CFH: variants seen among roughly 807,000 people sequenced by gnomAD.
CFH encodes the protein complement factor H, also known as H factor 1 (complement).
In CFH, 53 loss-of-function variants were observed where a neutral mutation model predicts 147.3. That is an observed-to-expected ratio of 0.36 (90% CI 0.29 to 0.45). The LOEUF is 0.45. Ranked by LOEUF, CFH falls within the 20% of genes least tolerant of loss-of-function variation. The probability of loss-of-function intolerance (pLI) is 1.00; values close to 1 mark genes in which losing one functional copy is unlikely to be tolerated. For missense variants in CFH, 1,380 were observed against 1,498.0 expected, an observed-to-expected ratio of 0.92 and a Z score of 1.30; for synonymous variants, 536 against 489.4, an observed-to-expected ratio of 1.10 and a Z score of -1.26.
chr1:196,719,262 T>A (rs771668018), intron 11 of CFH, among the ~76,000 whole-genome samples: 9 of 151,976 alleles, frequency 5.9e-5, no homozygotes, highest in Non-Finnish European at 1.3e-4. Context: ...ATAATCAAGA[T>A]CTTAACTTTC....
At chr1:196,727,618 G>A (rs1268389980) in intron 14 of CFH, among the ~76,000 whole-genome samples, 1 of 151,876 alleles carries the variant, frequency 6.6e-6, no homozygotes, top group Non-Finnish European at 1.5e-5. Context: ...TCCTTTTTAG[G>A]CACTGAGAAG....
intron 19 of CFH, 24 bp from the exon 20 acceptor site, chr1:196,743,428 A>G (rs565933022): frequency 6.2e-7 from 1 of 1,613,896 alleles, no homozygotes; most frequent in East Asian, 2.2e-5. Context: ...ACTAGGTGGA[A>G]CCACTTCTTT....
chr1:196,688,067 TTA>T (rs1420493934), intron 7 of CFH, among the ~76,000 whole-genome samples: 5 of 151,652 alleles, frequency 3.3e-5, no homozygotes, highest in African/African-American at 9.7e-5. Flanking sequence ...AAAAGAATAT[TTA>T]TATGTGTGTG....
At chr1:196,743,856 T>A (rs1259070169) in intron 20 of CFH, among the ~76,000 whole-genome samples, 3 of 152,124 alleles carry the variant, frequency 2.0e-5, no homozygotes, top group Non-Finnish European at 4.4e-5. Flanking sequence ...AAAACAATAC[T>A]TTTTAAGCAT....
intron 9 of CFH, among the ~76,000 whole-genome samples, chr1:196,701,730 A>G (rs1668454871): frequency 6.6e-6 from 1 of 152,144 alleles, no homozygotes; most frequent in Non-Finnish European, 1.5e-5. Flanking sequence ...GACAAACCCT[A>G]GCAGCTTACT....
rs1423241220 is a variant in CFH at position 196,690,182 on chromosome 1, A to G, written c.1279A>G (p.Thr427Ala). The G allele has an allele frequency of 6.2e-7, 1 of 1,613,484 alleles. No homozygotes were observed. The highest frequency in any genetic ancestry group is 8.5e-7 in the Non-Finnish European group (1 of 1,179,662). Residue 427 changes from threonine to alanine, a missense_variant, in exon 9 of 22, where the codon ACC (threonine) becomes GCC (alanine). This residue lies in a region of CFH where 830 missense variants were observed against 821.4 expected (regional missense o/e 1.01). Coordinates refer to ENST00000367429, the MANE Select transcript of CFH (RefSeq NM_000186.4). Reference protein sequence around the residue: ...HPGYALPKAQTTVTCMENGWS... With the variant: ...HPGYALPKAQATVTCMENGWS... ...TGGCTACGCTCTTCCAAAAGCGCAG[A>G]CCACAGTTACATGTATGGAGAATGG...
intron 9 of CFH, among the ~76,000 whole-genome samples, chr1:196,713,388 C>A (rs203679): frequency 0.66 from 99,636 of 151,986 alleles, 33,418 homozygotes; most frequent in East Asian, 0.95. Flanking sequence ...AGAAGATCTA[C>A]AATAGGCAAG....
intron 1 of CFH, among the ~76,000 whole-genome samples, chr1:196,660,800 C>T (rs1471469955): frequency 1.3e-5 from 2 of 152,014 alleles, no homozygotes; most frequent in African/African-American, 2.4e-5. Context: ...AGAGATGTAT[C>T]CTTGTTTTCT....
intron 6 of CFH, among the ~76,000 whole-genome samples, chr1:196,683,781 T>A (rs539744470): frequency 1.3e-5 from 2 of 151,816 alleles, no homozygotes; most frequent in African/African-American, 4.8e-5. Flanking sequence ...TATAGGAAAC[T>A]CACTACTGCT....
Position 196,672,999 on chromosome 1 carries a change from G to C in CFH, c.80G>C (p.Arg27Thr), listed in dbSNP as rs1166473674. 6.2e-7 allele frequency: 1 copy of C among 1,613,836 alleles called. No individual in the cohort carries two copies. Among genetic ancestry groups the C allele is most frequent in the East Asian group, 2.2e-5 (1 of 44,858 alleles). The change falls in exon 2 of 22, where the codon AGA (arginine) becomes ACA (threonine). Residue 27 changes from arginine to threonine, a missense_variant. Physicochemically the swap from Arg to Thr is moderately conservative, Grantham distance 71 (BLOSUM62 -1). Coordinates refer to ENST00000367429, the MANE Select transcript of CFH (RefSeq NM_000186.4). ...GTAGATTGCAATGAACTTCCTCCAA[G>C]AAGAAATACAGAAATTCTGACAGGT... ...VAEDCNELPP[R>T]RNTEILTGSW...
intron 9 of CFH, among the ~76,000 whole-genome samples, chr1:196,691,604 CT>C (rs1668025715): frequency 6.6e-6 from 1 of 151,512 alleles, no homozygotes; most frequent in Non-Finnish European, 1.5e-5. Flanking sequence ...CTTTATTTAC[CT>C]TTTTGAGAGT....
intron 18 of CFH, chr1:196,741,025 C>G: frequency 3.8e-6 from 2 of 526,592 alleles, no homozygotes; most frequent in Non-Finnish European, 6.8e-6. Context: ...GATGTATATT[C>G]TCAGACTTCT....
chr1:196,715,104 T>C (rs1353959063), intron 10 of CFH, among the ~76,000 whole-genome samples: 1 of 152,142 alleles, frequency 6.6e-6, no homozygotes, highest in Non-Finnish European at 1.5e-5. Context: ...GCTAATTTTA[T>C]ACTAAATTTT....
intron 14 of CFH, 68 bp downstream of exon 14, chr1:196,727,008 CA>C: frequency 6.9e-7 from 1 of 1,441,842 alleles, no homozygotes; most frequent in Non-Finnish European, 9.7e-7. Flanking sequence ...ACAATAATTG[CA>C]ACTATATTTT....
intron 7 of CFH, among the ~76,000 whole-genome samples, chr1:196,688,778 T>A (rs1339065692): frequency 1.3e-5 from 2 of 151,806 alleles, no homozygotes; most frequent in East Asian, 1.9e-4. Flanking sequence ...GCCCGGCTAA[T>A]TTTTTTTGTA....
At chr1:196,679,399 G>T in intron 5 of CFH, 1 of 390,920 alleles carries the variant, frequency 2.6e-6, no homozygotes, top group Non-Finnish European at 4.7e-6. Context: ...TTTCAAGAAG[G>T]CTAATTTATC....
At chr1:196,699,753 CT>C (rs1476978217) in intron 9 of CFH, among the ~76,000 whole-genome samples, 1 of 152,122 alleles carries the variant, frequency 6.6e-6, no homozygotes. Flanking sequence ...ACTATGTTTT[CT>C]TTATTGAATT....
At chr1:196,657,665 C>A (rs1224928855) in intron 1 of CFH, among the ~76,000 whole-genome samples, 2 of 152,046 alleles carry the variant, frequency 1.3e-5, no homozygotes, top group African/African-American at 2.4e-5. Flanking sequence ...TGCAAAATAC[C>A]TATTTTTGCT....
At chr1:196,714,915 G>T (rs1231822922) in intron 10 of CFH, among the ~76,000 whole-genome samples, 1 of 151,032 alleles carries the variant, frequency 6.6e-6, no homozygotes, top group African/African-American at 2.4e-5. Context: ...TAGCCAGGCT[G>T]GTCTCGAACT....
Sources: allele counts gnomAD v4.1 joint callset (sites outside exome capture counted in the v4.1 genomes callset), GRCh38; gene constraint gnomAD v4.1.1; regional missense constraint gnomAD v4.1.1; transcripts MANE v1.5; gene names NCBI Gene and HGNC (gene_info 2026-07-23, HGNC 2026-07-21).